STAG2: variants seen among roughly 807,000 people sequenced by gnomAD.
STAG2 encodes STAG2 cohesin complex component.
In STAG2, 14 loss-of-function variants were observed where a neutral mutation model predicts 108.1. The ratio of observed to expected loss-of-function variants is 0.13; its 90% CI spans 0.09 to 0.20. STAG2 has a LOEUF of 0.20. Ranked by LOEUF, STAG2 falls within the 10% of genes least tolerant of loss-of-function variation. STAG2 has a pLI of 1.00. For missense variants in STAG2, 440 were observed against 940.9 expected, an observed-to-expected ratio of 0.47 and a Z score of 6.96; for synonymous variants, 307 against 302.7, an observed-to-expected ratio of 1.01 and a Z score of -0.15.
At position 124,086,589 on chromosome X, in the gene STAG2, C is replaced by T. The variant is rs2148465112; in HGVS notation, c.3096C>T (p.Leu1032=). Residue 1032 remains leucine, a synonymous_variant, in exon 30 of 35, where the codon CTC becomes CTT. Transcript: ENST00000371145. ...LEKFMTFQMS[L]RREDVWLPLM... is the part of the protein sequence containing the mutation. ...AGTTCATGACCTTTCAGATGTCACTCCGAAGAGAGGATGTGTGGCTTCCAC... is the reference window on the plus strand; with the variant it reads ...AGTTCATGACCTTTCAGATGTCACTTCGAAGAGAGGATGTGTGGCTTCCAC... 8.3e-7 allele frequency: 1 copy of T among 1,211,373 alleles called. No homozygotes were observed. Among genetic ancestry groups the T allele is most frequent in the Non-Finnish European group, 1.1e-6 (1 of 895,174 alleles).
intron 1 of STAG2, among the ~76,000 whole-genome samples, chrX:123,972,219 GT>G (rs561069110): frequency 1.1e-3 from 107 of 99,465 alleles, no homozygotes; most frequent in East Asian, 2.5e-3. Context: ...AGTAATTTGT[GT>G]TTTTTTTTTT....
chrX:124,030,328 T>C (rs190335865), intron 4 of STAG2, among the ~76,000 whole-genome samples: 372 of 112,128 alleles, frequency 3.3e-3, no homozygotes, highest in Admixed American at 6.5e-3. Flanking sequence ...TTGAGAGATA[T>C]TTTTGCAGTG....
At chrX:124,044,396 A>G (rs1200065610) in intron 7 of STAG2, among the ~76,000 whole-genome samples, 1 of 112,039 alleles carries the variant, frequency 8.9e-6, no homozygotes, top group Non-Finnish European at 1.9e-5. Flanking sequence ...ATGTGACATG[A>G]CTTCAGATTT....
intron 34 of STAG2, among the ~76,000 whole-genome samples, chrX:124,098,427 G>T (rs1027083911): frequency 9.0e-6 from 1 of 110,980 alleles, no homozygotes; most frequent in African/African-American, 3.3e-5. Flanking sequence ...ACTCCATACT[G>T]TCTTAACCAT....
At chrX:124,059,525 A>G (rs779278285) in intron 15 of STAG2, among the ~76,000 whole-genome samples, 2 of 112,095 alleles carry the variant, frequency 1.8e-5, no homozygotes, top group South Asian at 7.3e-4. Context: ...TGATTGTTTT[A>G]TTTTTATCCT....
intron 1 of STAG2, chrX:124,003,344 A>G (rs1299854060): frequency 9.0e-6 from 1 of 111,600 alleles, no homozygotes; most frequent in Non-Finnish European, 1.9e-5. Flanking sequence ...AATAATTTCC[A>G]AAATCACTCC....
intron 1 of STAG2, among the ~76,000 whole-genome samples, chrX:124,015,673 G>A (rs1163289761): frequency 8.9e-6 from 1 of 111,852 alleles, no homozygotes; most frequent in Non-Finnish European, 1.9e-5. Context: ...ACACCCGGCC[G>A]AATTCTTGTT....
At chrX:123,973,496 C>T (rs453014) in intron 1 of STAG2, among the ~76,000 whole-genome samples, 2 of 94,322 alleles carry the variant, frequency 2.1e-5, no homozygotes, top group East Asian at 3.4e-4. Context: ...GAGCCGAGAT[C>T]GTGCCACAGC....
intron 2 of STAG2, 98 bp from the exon 3 acceptor site, chrX:124,022,433 C>A: frequency 2.8e-6 from 1 of 353,114 alleles, no homozygotes; most frequent in Non-Finnish European, 4.9e-6. Context: ...TACTAAAACA[C>A]ATTAGTAGGC....
intron 9 of STAG2, 29 bp from the exon 10 acceptor site, chrX:124,048,976 T>C (rs2148208237): frequency 7.0e-6 from 8 of 1,139,426 alleles, no homozygotes; most frequent in Non-Finnish European, 9.6e-6. Context: ...TCCTTTACAA[T>C]TGAAAAGAAA....
chrX:124,017,473 G>C (rs1169586900), intron 1 of STAG2, among the ~76,000 whole-genome samples: 1 of 111,530 alleles, frequency 9.0e-6, no homozygotes, highest in Non-Finnish European at 1.9e-5. Flanking sequence ...GCCTCCCAAA[G>C]TGTTTGGATT....
At chrX:124,055,425 C>G (rs1444486554) in intron 13 of STAG2, among the ~76,000 whole-genome samples, 1 of 112,709 alleles carries the variant, frequency 8.9e-6, no homozygotes, top group Admixed American at 9.4e-5. Context: ...GGGGCCAGGA[C>G]TCTGAATGCA....
At chrX:123,970,880 A>T (rs1470741618) in intron 1 of STAG2, among the ~76,000 whole-genome samples, 1 of 111,596 alleles carries the variant, frequency 9.0e-6, no homozygotes, top group Non-Finnish European at 1.9e-5. Context: ...TAGGATGACC[A>T]TATGATTTAT....
At chrX:124,058,154 CTT>C (rs999044036) in intron 15 of STAG2, among the ~76,000 whole-genome samples, 177 bp downstream of exon 15, 2 of 72,945 alleles carry the variant, frequency 2.7e-5, no homozygotes, top group Non-Finnish European at 5.2e-5. Context: ...TACTTTTCTT[CTT>C]TTTTTTTTTT....
intron 1 of STAG2, among the ~76,000 whole-genome samples, chrX:124,017,786 AAT>A (rs2056783642): frequency 9.0e-6 from 1 of 111,715 alleles, no homozygotes; most frequent in Non-Finnish European, 1.9e-5. Context: ...ACAGCCCATA[AAT>A]ATATACTAAT....
intron 1 of STAG2, among the ~76,000 whole-genome samples, chrX:123,962,739 C>A (rs1249033556): frequency 9.0e-6 from 1 of 111,633 alleles, no homozygotes; most frequent in Non-Finnish European, 1.9e-5. Context: ...TTAAAGTAAA[C>A]GAGGCGCTTG....
chrX:124,100,431 C>T (rs376902499), intron 34 of STAG2, 143 bp from the exon 35 acceptor site: 6 of 469,696 alleles, frequency 1.3e-5, no homozygotes, highest in African/African-American at 9.9e-5. Context: ...TAGAATTATA[C>T]ATCTGAAGAG....
chrX:124,068,297 C>A (rs933143902), intron 23 of STAG2, among the ~76,000 whole-genome samples: 6 of 111,254 alleles, frequency 5.4e-5, no homozygotes, highest in African/African-American at 2.0e-4. Context: ...TTATATAAGT[C>A]TTCTCATCCT....
intron 1 of STAG2, among the ~76,000 whole-genome samples, chrX:124,003,957 A>G (rs1282547768): frequency 9.0e-6 from 1 of 111,468 alleles, no homozygotes; most frequent in Non-Finnish European, 1.9e-5. Context: ...GATACTCCTG[A>G]TGAAACATTT....
Sources: gnomAD v4.1 joint callset for allele counts (sites outside exome capture counted in the v4.1 genomes callset) on GRCh38, gnomAD v4.1.1 for gene constraint, MANE v1.5 for transcripts, NCBI Gene and HGNC (gene_info 2026-07-23, HGNC 2026-07-21) for gene names.